SLC9A2: variants seen among roughly 807,000 people sequenced by gnomAD.
SLC9A2 encodes sodium/hydrogen exchanger 2.
A neutral mutation model predicts 71.7 loss-of-function variants in SLC9A2; 42 were observed. The observed-to-expected ratio is 0.59, with a 90% CI of 0.46 to 0.76. The LOEUF (loss-of-function observed/expected upper bound fraction) is 0.76, where lower values mean the gene tolerates loss of function less well. Ranked by LOEUF, SLC9A2 falls within the 30% of genes least tolerant of loss-of-function variation. The pLI, the probability that SLC9A2 is intolerant of heterozygous loss-of-function variation, is 0.00. For missense variants in SLC9A2, 829 were observed against 1,017.4 expected (o/e 0.81, Z 2.52); for synonymous variants, 396 against 392.5 (o/e 1.01, Z -0.10).
intron 1 of SLC9A2, among the ~76,000 whole-genome samples, chr2:102,650,452 T>C (rs555582438): frequency 5.3e-5 from 8 of 152,296 alleles, no homozygotes; most frequent in Non-Finnish European, 1.0e-4. Context: ...GTAACAAACC[T>C]GCACCTTCTG....
intron 11 of SLC9A2, among the ~76,000 whole-genome samples, chr2:102,706,780 T>C (rs184805574): frequency 1.3e-5 from 2 of 152,362 alleles, no homozygotes; most frequent in African/African-American, 4.8e-5. Context: ...TTTAAGTAAT[T>C]AAATTTTTAC....
At chr2:102,701,633 C>T (rs1359331917) in intron 8 of SLC9A2, among the ~76,000 whole-genome samples, 1 of 152,164 alleles carries the variant, frequency 6.6e-6, no homozygotes, top group African/African-American at 2.4e-5. Flanking sequence ...TCACAGGGTT[C>T]TTGTGCTTGG....
At position 102,678,366 on chromosome 2, in the gene SLC9A2, A is replaced by AG. The variant is rs375113544; in HGVS notation, c.1005-4887dup. ...CAGAGAGAGAGAGACATGCATGAAA[A>AG]GGGGGGGGAAGGATAATTCAATGAC... On this transcript the variant is annotated intron_variant, in intron 3 of 11. Coordinates refer to ENST00000233969, the MANE Select transcript of SLC9A2 (RefSeq NM_003048.6). Among the ~76,000 whole-genome samples, 234 of 151,678 alleles carry AG rather than the reference A, an allele frequency of 1.5e-3. 1 individual carries two copies. Among genetic ancestry groups the AG allele is most frequent in the African/African-American group, 4.5e-3 (185 of 41,328 alleles).
At chr2:102,707,398 G>A (rs1174818960) in intron 11 of SLC9A2, among the ~76,000 whole-genome samples, 1 of 150,942 alleles carries the variant, frequency 6.6e-6, no homozygotes, top group Non-Finnish European at 1.5e-5. Flanking sequence ...AATAATAGGG[G>A]GAAGACAAGG....
intron 7 of SLC9A2, 109 bp from the exon 8 acceptor site, chr2:102,700,961 G>A (rs1677862053): frequency 1.4e-6 from 1 of 712,934 alleles, no homozygotes; most frequent in African/African-American, 1.8e-5. Flanking sequence ...GCTAAATGCT[G>A]CTACTAAGTA....
In SLC9A2 at chr2:102,676,198, C is replaced by T. The variant is rs574019849; in HGVS notation, c.1005-7063C>T. On this transcript the variant is annotated intron_variant, in intron 3 of 11. Coordinates refer to ENST00000233969, the MANE Select transcript of SLC9A2 (RefSeq NM_003048.6). The stretch of plus-strand genomic sequence containing the variant: ...CACATACCCAGGCCCCACCTGTAGC[C>T]CACATAGACCAGGAGTCTTCCACCT... Among the ~76,000 whole-genome samples, 6 of 152,294 alleles carry T rather than the reference C, an allele frequency of 3.9e-5. 1 individual carries two copies. The South Asian group carries it at 1.2e-3, about 32-fold the overall frequency.
chr2:102,666,929 A>C (rs1207652152), intron 3 of SLC9A2, among the ~76,000 whole-genome samples: 2 of 152,138 alleles, frequency 1.3e-5, no homozygotes, highest in African/African-American at 2.4e-5. Flanking sequence ...ATCTTCCTGA[A>C]ATTTTCTCTT....
rs761086985 is a variant in SLC9A2 at position 102,694,397 on chromosome 2, T to C, written c.1426-17T>C. On this transcript the variant is annotated splice_polypyrimidine_tract_variant and intron_variant, in intron 5 of 11. Coordinates refer to ENST00000233969, the MANE Select transcript of SLC9A2 (RefSeq NM_003048.6). ...TATAAATATATATGAAATGCTTAAA[T>C]TGTGTTTCCTGTTCAGGGAATAACT... The C allele has an allele frequency of 8.3e-7, 1 of 1,200,274 alleles. No individual in the cohort carries two copies. Among genetic ancestry groups the C allele is most frequent in the Non-Finnish European group, 1.1e-6 (1 of 878,302 alleles). The allele number at this position is 1,200,274 out of a possible 1,614,324, so 74.4% of individuals were successfully genotyped here. A position where few individuals can be genotyped will look rare whatever the true frequency, so the allele number is the denominator to read the frequency against.
chr2:102,632,979 C>T (rs1272033467), intron 1 of SLC9A2, among the ~76,000 whole-genome samples: 1 of 152,090 alleles, frequency 6.6e-6, no homozygotes, highest in Non-Finnish European at 1.5e-5. Context: ...GACCCACTGG[C>T]CAGGAAACCT....
At chr2:102,691,038 T>G (rs1403033985) in intron 5 of SLC9A2, among the ~76,000 whole-genome samples, 1 of 151,570 alleles carries the variant, frequency 6.6e-6, no homozygotes, top group Non-Finnish European at 1.5e-5. Flanking sequence ...AATTTTTGTT[T>G]GTTTGTTTTC....
chr2:102,696,812 T>C (rs1309016730), intron 7 of SLC9A2, among the ~76,000 whole-genome samples: 1 of 152,166 alleles, frequency 6.6e-6, no homozygotes, highest in Non-Finnish European at 1.5e-5. Flanking sequence ...CACAAGGTAA[T>C]AAAATTAAGC....
Position 102,657,796 on chromosome 2 carries a change from G to C in SLC9A2, c.522G>C (p.Val174=). 1.9e-6 allele frequency: 3 copies of C among 1,614,168 alleles called. No individual in the cohort carries two copies. Among genetic ancestry groups the C allele is most frequent in the South Asian group, 1.1e-5 (1 of 91,076 alleles). Residue 174 remains valine (V), a synonymous_variant, in exon 2 of 12, where the codon GTG becomes GTC. Transcript: ENST00000233969. The part of the protein sequence containing the change: ...ENIGTIFWYA[V]VGTLWNSIGI... ...TTGGCACGATTTTCTGGTATGCTGT[G>C]GTAGGGACACTTTGGAATTCCATTG...
At chr2:102,641,847 A>G (rs765985362) in intron 1 of SLC9A2, among the ~76,000 whole-genome samples, 3 of 138,424 alleles carry the variant, frequency 2.2e-5, no homozygotes, top group Non-Finnish European at 4.6e-5. Context: ...GAATTGAACA[A>G]TGAGAATACT....
intron 3 of SLC9A2, among the ~76,000 whole-genome samples, chr2:102,682,754 G>A (rs1248074629): frequency 6.6e-6 from 1 of 152,184 alleles, no homozygotes; most frequent in Non-Finnish European, 1.5e-5. Flanking sequence ...ATCGAAAACA[G>A]TTGTTGACCA....
chr2:102,622,524 A>C (rs890909399), intron 1 of SLC9A2, among the ~76,000 whole-genome samples: 1 of 152,188 alleles, frequency 6.6e-6, no homozygotes, highest in African/African-American at 2.4e-5. Flanking sequence ...TACAGTCACC[A>C]TGCCGGGTAG....
intron 1 of SLC9A2, among the ~76,000 whole-genome samples, chr2:102,621,122 C>A (rs1340617291): frequency 6.6e-6 from 1 of 152,096 alleles, no homozygotes; most frequent in Non-Finnish European, 1.5e-5. Flanking sequence ...CCACTGCACT[C>A]CAGCCTGGGC....
At chr2:102,645,194 C>T (rs182167308) in intron 1 of SLC9A2, among the ~76,000 whole-genome samples, 8 of 152,306 alleles carry the variant, frequency 5.3e-5, no homozygotes, top group African/African-American at 1.4e-4. Context: ...TCCAACAGAC[C>T]TGCAGCAGAG....
chr2:102,635,384 G>C (rs550630384), intron 1 of SLC9A2, among the ~76,000 whole-genome samples: 4 of 152,232 alleles, frequency 2.6e-5, no homozygotes, highest in Non-Finnish European at 4.4e-5. Context: ...GAAGTTTCTG[G>C]ATGAGTATGG....
At chr2:102,700,629 A>G (rs1171469875) in intron 7 of SLC9A2, among the ~76,000 whole-genome samples, 1 of 152,144 alleles carries the variant, frequency 6.6e-6, no homozygotes, top group Admixed American at 6.6e-5. Context: ...TTCAAGAGAG[A>G]ATCAGAGGAG....
Sources: allele counts gnomAD v4.1 joint callset (sites outside exome capture counted in the v4.1 genomes callset), GRCh38; gene constraint gnomAD v4.1.1; transcripts MANE v1.5; gene names NCBI Gene and HGNC (gene_info 2026-07-23, HGNC 2026-07-21).